Variants in PCDH15 observed in about 807,000 individuals in gnomAD.
The protein encoded by PCDH15 is protocadherin-15.
Under a neutral mutation model 178.5 loss-of-function variants are expected in PCDH15, and 129 were observed. That is an observed-to-expected ratio of 0.72 (90% CI 0.63 to 0.84). The LOEUF (loss-of-function observed/expected upper bound fraction) is 0.84, where lower values mean the gene tolerates loss of function less well. PCDH15 is among the 40% of genes least tolerant of loss of function. The probability of loss-of-function intolerance (pLI) is 0.00; values close to 1 mark genes in which losing one functional copy is unlikely to be tolerated. For synonymous variants in PCDH15, 800 were observed against 732.0 expected (o/e 1.09, Z -1.50); for missense variants, 2,230 against 2,099.9 (o/e 1.06, Z -1.21).
At chr10:53,986,584 A>C (rs1589774684) in intron 21 of PCDH15, among the ~76,000 whole-genome samples, 1 of 152,232 alleles carries the variant, frequency 6.6e-6, no homozygotes, top group Admixed American at 6.5e-5. Flanking sequence ...CTAAATGTTC[A>C]TTGATGGATG....
chr10:55,322,997 C>T (rs1226795195), upstream of PCDH15, among the ~76,000 whole-genome samples: 1 of 152,092 alleles, frequency 6.6e-6, no homozygotes, highest in East Asian at 1.9e-4. Flanking sequence ...ATGCAGACTC[C>T]AGACAAGTCG....
At chr10:54,097,256 CCT>C (rs1264890230) in intron 15 of PCDH15, among the ~76,000 whole-genome samples, 4 of 152,132 alleles carry the variant, frequency 2.6e-5, no homozygotes, top group Admixed American at 6.5e-5. Context: ...TATATCTATC[CCT>C]CTCCTATTAC....
intron 2 of PCDH15, among the ~76,000 whole-genome samples, chr10:54,970,812 A>T (rs1161973392): frequency 6.6e-6 from 1 of 152,148 alleles, no homozygotes; most frequent in Non-Finnish European, 1.5e-5. Context: ...AGGCCTCAAG[A>T]TTTAAAGTTG....
chr10:54,007,669 G>GT (rs2092432031), intron 20 of PCDH15, among the ~76,000 whole-genome samples: 2 of 152,222 alleles, frequency 1.3e-5, no homozygotes, highest in South Asian at 4.1e-4. Flanking sequence ...TGGAAATATT[G>GT]TTTTTCCAAA....
chr10:55,165,017 T>C (rs1210160170), intron 2 of PCDH15, among the ~76,000 whole-genome samples: 2 of 152,086 alleles, frequency 1.3e-5, no homozygotes, highest in Non-Finnish European at 2.9e-5. Context: ...TATGAAAACA[T>C]ATGAACCTAT....
chr10:55,116,096 C>T (rs551292408), intron 2 of PCDH15, among the ~76,000 whole-genome samples: 1 of 152,148 alleles, frequency 6.6e-6, no homozygotes, highest in South Asian at 2.1e-4. Flanking sequence ...TGGTCAGGAC[C>T]AGTGACTTTA....
intron 2 of PCDH15, among the ~76,000 whole-genome samples, chr10:55,405,970 T>A (rs1838188401): frequency 6.6e-6 from 1 of 150,456 alleles, no homozygotes; most frequent in Non-Finnish European, 1.5e-5. Context: ...GTAATCAGAG[T>A]CAGTGTCGAT....
At chr10:53,843,328 T>G (rs1204377850) in intron 28 of PCDH15, among the ~76,000 whole-genome samples, 2 of 152,074 alleles carry the variant, frequency 1.3e-5, no homozygotes, top group African/African-American at 4.8e-5. Flanking sequence ...TCTTTTCATT[T>G]ATCATCTATA....
intron 3 of PCDH15, among the ~76,000 whole-genome samples, chr10:54,416,605 T>C (rs1352401759): frequency 6.6e-6 from 1 of 152,200 alleles, no homozygotes; most frequent in African/African-American, 2.4e-5. Context: ...TTTGTCTTTA[T>C]AGTAGAATGA....
intron 21 of PCDH15, among the ~76,000 whole-genome samples, chr10:53,990,100 C>T (rs1294182527): frequency 2.0e-5 from 3 of 152,102 alleles, no homozygotes; most frequent in South Asian, 4.2e-4. Context: ...TTGGTAACAT[C>T]GTGACATTTT....
intron 2 of PCDH15, among the ~76,000 whole-genome samples, chr10:55,572,289 T>C (rs986106487): frequency 6.7e-6 from 1 of 150,094 alleles, no homozygotes; most frequent in African/African-American, 2.5e-5. Flanking sequence ...AAGTAATTTA[T>C]ATTAGAGTAT....
At chr10:55,131,778 T>C (rs1320933433) in intron 2 of PCDH15, among the ~76,000 whole-genome samples, 1 of 152,058 alleles carries the variant, frequency 6.6e-6, no homozygotes, top group Non-Finnish European at 1.5e-5. Context: ...GTGGTTTTTA[T>C]GGGCTTCAAA....
At chr10:54,505,331 T>A (rs2081079546) in intron 3 of PCDH15, among the ~76,000 whole-genome samples, 1 of 152,032 alleles carries the variant, frequency 6.6e-6, no homozygotes. Context: ...TAGGGCAAAA[T>A]GAAAGAAAGG....
chr10:55,356,075 T>C (rs2131972796), intron 2 of PCDH15, among the ~76,000 whole-genome samples: 1 of 152,084 alleles, frequency 6.6e-6, no homozygotes, highest in African/African-American at 2.4e-5. Flanking sequence ...TAGCTCCAAC[T>C]ACATTCTACT....
intron 15 of PCDH15, among the ~76,000 whole-genome samples, chr10:54,118,399 G>A (rs1284071896): frequency 4.6e-5 from 7 of 152,230 alleles, no homozygotes; most frequent in South Asian, 2.1e-4. Context: ...GGTGGCTCAC[G>A]CCTGTAATCC....
At chr10:54,688,884 T>G (rs757141897) in intron 1 of PCDH15, among the ~76,000 whole-genome samples, 2 of 152,164 alleles carry the variant, frequency 1.3e-5, no homozygotes, top group Non-Finnish European at 2.9e-5. Context: ...TCATTGTGTA[T>G]GAGAAGATCA....
chr10:54,725,216 T>C (rs114533025), intron 1 of PCDH15, among the ~76,000 whole-genome samples: 18,363 of 151,072 alleles, frequency 0.12, 1,226 homozygotes, highest in African/African-American at 0.17. Flanking sequence ...ATTTTCTATA[T>C]ATTAATATTA....
At chr10:55,524,901 C>T (rs921722861) in intron 2 of PCDH15, among the ~76,000 whole-genome samples, 1 of 151,728 alleles carries the variant, frequency 6.6e-6, no homozygotes, top group Admixed American at 6.6e-5. Context: ...TCTAATACAA[C>T]TTTACATTGT....
At chr10:55,440,502 T>C (rs544561675) in intron 2 of PCDH15, among the ~76,000 whole-genome samples, 1 of 152,216 alleles carries the variant, frequency 6.6e-6, no homozygotes, top group Non-Finnish European at 1.5e-5. Flanking sequence ...CAAAATGGTA[T>C]GTTTTAATAG....
Sources: allele counts gnomAD v4.1 joint callset (sites outside exome capture counted in the v4.1 genomes callset), GRCh38; gene constraint gnomAD v4.1.1; transcripts MANE v1.5; gene names NCBI Gene and HGNC (gene_info 2026-07-23, HGNC 2026-07-21).